Variants in RGL1 observed in about 807,000 individuals in gnomAD.
RGL1 encodes ral guanine nucleotide dissociation stimulator-like 1.
In RGL1, 24 loss-of-function variants were observed where a neutral mutation model predicts 95.2. The observed-to-expected ratio is 0.25, with a 90% CI of 0.18 to 0.35. The LOEUF (loss-of-function observed/expected upper bound fraction) is 0.35, where lower values mean the gene tolerates loss of function less well. Among genes scored for constraint, RGL1 ranks in the 10% least tolerant of loss-of-function variants. RGL1 has a pLI of 1.00. For missense variants in RGL1, 715 were observed against 936.3 expected, an observed-to-expected ratio of 0.76 and a Z score of 3.08; for synonymous variants, 329 against 344.9, an observed-to-expected ratio of 0.95 and a Z score of 0.51.
Position 183,883,767 on chromosome 1 carries a change from C to A in RGL1, c.611-19C>A, listed in dbSNP as rs754325093. On this transcript the variant is annotated intron_variant, in intron 5 of 17. Transcript: ENST00000360851. ...TATACACTGGCGCCAAATTACTAATCTTTTCCATATGTGAACAGATGGGCT... is the reference window on the plus strand; with the variant it reads ...TATACACTGGCGCCAAATTACTAATATTTTCCATATGTGAACAGATGGGCT... 38 of 1,613,352 alleles carry A rather than the reference C, an allele frequency of 2.4e-5. No homozygotes were observed. The South Asian group carries it at 3.0e-4, about 13-fold the overall frequency.
At chr1:183,904,669 G>T (rs1395512030) in intron 12 of RGL1, among the ~76,000 whole-genome samples, 181 bp from the exon 13 acceptor site, 1 of 152,114 alleles carries the variant, frequency 6.6e-6, no homozygotes, top group African/African-American at 2.4e-5. Flanking sequence ...GTTCTAGTTA[G>T]AATTTTTAAG....
Position 183,922,233 on chromosome 1 carries a change from G to A in RGL1, c.2016G>A (p.Gln672=), listed in dbSNP as rs369500753. The A allele has an allele frequency of 1.9e-6, 3 of 1,613,980 alleles. No individual in the cohort carries two copies. Among genetic ancestry groups the A allele is most frequent in the African/African-American group, 2.7e-5 (2 of 74,902 alleles). The change falls in exon 17 of 18, where the codon CAG becomes CAA. Residue 672 remains glutamine (Q), a synonymous_variant. Coordinates refer to ENST00000360851, the MANE Select transcript of RGL1 (RefSeq NM_001297671.3). ...NMYKSIMLTS[Q]DKTPAVIQRA... ...CATTGTCTTTGCAGTTGACGAGCCA[G>A]GATAAAACCCCCGCTGTGATCCAGA...
chr1:183,772,985 C>T (rs957271834), intron 2 of RGL1, among the ~76,000 whole-genome samples: 4 of 136,816 alleles, frequency 2.9e-5, no homozygotes, highest in Admixed American at 7.9e-5. Flanking sequence ...GTCCGCAGTC[C>T]GGCCTGGGCG....
At chr1:183,864,195 G>A (rs749244187) in intron 3 of RGL1, among the ~76,000 whole-genome samples, 2 of 152,198 alleles carry the variant, frequency 1.3e-5, no homozygotes, top group Non-Finnish European at 2.9e-5. Flanking sequence ...AGTAAAATGT[G>A]TATCTTTCCC....
At chr1:183,744,313 A>C (rs1657490920) in intron 2 of RGL1, among the ~76,000 whole-genome samples, 1 of 116,950 alleles carries the variant, frequency 8.6e-6, no homozygotes, top group African/African-American at 2.7e-5. Flanking sequence ...TGCACAACAG[A>C]CTTTTTTTTT....
In RGL1 at chr1:183,922,265, T is replaced by C. The variant is rs1434208276; in HGVS notation, c.2048T>C (p.Met683Thr). The C allele has an allele frequency of 6.2e-7, 1 of 1,614,118 alleles. No homozygotes were observed. The highest frequency in any genetic ancestry group is 1.7e-5 in the Admixed American group (1 of 60,020). Reference protein sequence around the residue: ...DKTPAVIQRAMLKHNLDSDPA... With the variant: ...DKTPAVIQRATLKHNLDSDPA... ...ACCCCCGCTGTGATCCAGAGAGCCATGCTGAAGCACAATCTGGACTCAGAC... is the reference window on the plus strand; with the variant it reads ...ACCCCCGCTGTGATCCAGAGAGCCACGCTGAAGCACAATCTGGACTCAGAC... The change falls in exon 17 of 18, where the codon ATG (methionine) becomes ACG (threonine). Residue 683 changes from methionine (M) to threonine (T), a missense_variant. Physicochemically the swap from Met to Thr is moderately conservative, Grantham distance 81. Transcript: ENST00000360851.
At chr1:183,734,989 T>C (rs144078495) in intron 1 of RGL1, among the ~76,000 whole-genome samples, 309 of 152,284 alleles carry the variant, frequency 2.0e-3, no homozygotes, top group Middle Eastern at 6.8e-3. Flanking sequence ...GAGCAGGGAT[T>C]GTTGAGCAAA....
At chr1:183,656,260 A>G (rs1319470560) in intron 1 of RGL1, among the ~76,000 whole-genome samples, 1 of 152,180 alleles carries the variant, frequency 6.6e-6, no homozygotes, top group African/African-American at 2.4e-5. Context: ...GAGACCAAAT[A>G]AGTACATTTA....
At chr1:183,839,950 A>C (rs1663925924) in intron 2 of RGL1, among the ~76,000 whole-genome samples, 1 of 152,226 alleles carries the variant, frequency 6.6e-6, no homozygotes, top group African/African-American at 2.4e-5. Context: ...GGGAGCCTTC[A>C]GAAATAATGG....
chr1:183,676,277 GTTTA>G (rs1652823557), intron 1 of RGL1, among the ~76,000 whole-genome samples: 1 of 152,098 alleles, frequency 6.6e-6, no homozygotes, highest in Non-Finnish European at 1.5e-5. Flanking sequence ...TTGATTTTAT[GTTTA>G]TTTAATTATA....
At chr1:183,730,841 A>G (rs560436155) in intron 1 of RGL1, among the ~76,000 whole-genome samples, 1 of 152,234 alleles carries the variant, frequency 6.6e-6, no homozygotes, top group East Asian at 1.9e-4. Flanking sequence ...AACTATTTGG[A>G]TCTAATTTCA....
intron 17 of RGL1, among the ~76,000 whole-genome samples, chr1:183,924,286 A>G (rs1406802925): frequency 6.6e-6 from 1 of 152,252 alleles, no homozygotes; most frequent in African/African-American, 2.4e-5. Flanking sequence ...CTATGCAGTG[A>G]TAAAAAAGGA....
At chr1:183,900,477 A>C (rs1667950887) in intron 11 of RGL1, among the ~76,000 whole-genome samples, 1 of 152,202 alleles carries the variant, frequency 6.6e-6, no homozygotes, top group Non-Finnish European at 1.5e-5. Flanking sequence ...ATTCAAACAA[A>C]TGCATTGAGA....
At chr1:183,896,867 G>A (rs550388601) in intron 9 of RGL1, among the ~76,000 whole-genome samples, 64 of 152,324 alleles carry the variant, frequency 4.2e-4, no homozygotes, top group African/African-American at 1.5e-3. Context: ...GGATTGATTT[G>A]TAAGAGTTCC....
chr1:183,698,723 G>A (rs6701811), intron 1 of RGL1, among the ~76,000 whole-genome samples: 72,232 of 152,048 alleles, frequency 0.48, 17,789 homozygotes, highest in East Asian at 0.76. Flanking sequence ...CTGCCATTTT[G>A]TTACCTCCTA....
chr1:183,778,929 C>G (rs1050954166), intron 2 of RGL1, among the ~76,000 whole-genome samples: 1 of 152,112 alleles, frequency 6.6e-6, no homozygotes, highest in Non-Finnish European at 1.5e-5. Context: ...AAGAGATGGT[C>G]CTGTGCCAAC....
chr1:183,821,224 T>C (rs1260073113), intron 2 of RGL1, among the ~76,000 whole-genome samples: 1 of 152,220 alleles, frequency 6.6e-6, no homozygotes, highest in Admixed American at 6.5e-5. Context: ...TGCCTATGGC[T>C]AGCATTATAT....
chr1:183,893,171 T>C (rs1667514987), intron 9 of RGL1, among the ~76,000 whole-genome samples: 1 of 152,226 alleles, frequency 6.6e-6, no homozygotes, highest in Non-Finnish European at 1.5e-5. Context: ...GATAAAACCA[T>C]ATTAAAGGCA....
chr1:183,650,589 A>G (rs1443537402), intron 1 of RGL1, among the ~76,000 whole-genome samples: 1 of 152,116 alleles, frequency 6.6e-6, no homozygotes. Flanking sequence ...TTAGTTTTTT[A>G]TTATGTAACT....
Sources: gnomAD v4.1 joint callset for allele counts (sites outside exome capture counted in the v4.1 genomes callset) on GRCh38, gnomAD v4.1.1 for gene constraint, MANE v1.5 for transcripts, NCBI Gene and HGNC (gene_info 2026-07-23, HGNC 2026-07-21) for gene names.